PRKAR2A: variants seen among roughly 807,000 people sequenced by gnomAD.
PRKAR2A encodes protein kinase cAMP-dependent type II regulatory subunit alpha.
A neutral mutation model predicts 51.9 loss-of-function variants in PRKAR2A; 29 were observed. The ratio of observed to expected loss-of-function variants is 0.56; its 90% confidence interval spans 0.42 to 0.76. PRKAR2A has a LOEUF of 0.76. Among genes scored for constraint, PRKAR2A ranks in the 30% least tolerant of loss-of-function variants. The probability of loss-of-function intolerance (pLI) is 0.00; values close to 1 mark genes in which losing one functional copy is unlikely to be tolerated. For synonymous variants in PRKAR2A, 178 were observed against 186.2 expected (o/e 0.96, Z 0.36); for missense variants, 445 against 512.1 (o/e 0.87, Z 1.26).
chr3:48,800,834 A>G (rs7653459), intron 2 of PRKAR2A, among the ~76,000 whole-genome samples: 102,439 of 151,422 alleles, frequency 0.68, 35,154 homozygotes, highest in East Asian at 0.96. Context: ...CACCACACCC[A>G]GCTATTTTTT....
chr3:48,819,462 T>A (rs940445235), intron 1 of PRKAR2A, among the ~76,000 whole-genome samples: 3 of 152,214 alleles, frequency 2.0e-5, no homozygotes, highest in Non-Finnish European at 4.4e-5. Flanking sequence ...ACTCAGAGAA[T>A]TGTACCCAAG....
intron 6 of PRKAR2A, among the ~76,000 whole-genome samples, chr3:48,768,689 G>A (rs770402465): frequency 6.6e-6 from 1 of 151,692 alleles, no homozygotes; most frequent in African/African-American, 2.4e-5. Context: ...CAGAGACTCC[G>A]TCTCAAAATA....
chr3:48,773,714 T>G (rs183621063), intron 5 of PRKAR2A, among the ~76,000 whole-genome samples: 141 of 145,734 alleles, frequency 9.7e-4, no homozygotes, highest in Non-Finnish European at 1.7e-3. Context: ...TGCCCCTTCC[T>G]TTTTTTCCCC....
intron 1 of PRKAR2A, among the ~76,000 whole-genome samples, chr3:48,843,773 G>A (rs2083416719): frequency 6.6e-6 from 1 of 152,020 alleles, no homozygotes; most frequent in South Asian, 2.1e-4. Flanking sequence ...TGGGAAAACT[G>A]GCTAGCCATA....
intron 1 of PRKAR2A, among the ~76,000 whole-genome samples, chr3:48,818,686 T>A (rs1454201193): frequency 6.6e-6 from 1 of 152,148 alleles, no homozygotes; most frequent in Non-Finnish European, 1.5e-5. Flanking sequence ...CCAGGGAGCT[T>A]GAGCTGTGAT....
Position 48,794,019 on chromosome 3 carries a change from TC to T in PRKAR2A, c.328del (p.Glu110LysfsTer9). 2 of 1,606,152 alleles carry T rather than the reference TC, an allele frequency of 1.2e-6. No individual in the cohort carries two copies. Among genetic ancestry groups the T allele is most frequent in the Non-Finnish European group, 1.7e-6 (2 of 1,173,028 alleles). On this transcript the variant is annotated frameshift_variant, in exon 3 of 11. Coordinates refer to ENST00000265563, the MANE Select transcript of PRKAR2A (RefSeq NM_004157.4). LOFTEE classifies it high-confidence loss of function. ...VCAETYNPDE[E>X]EEDTDPRVIH... ...TACCCTTGGATCTGTATCTTCCTCT[TC>T]CTCATCAGGGTTATAGGTCTCAGCA... is the stretch of plus-strand genomic sequence containing the variant.
At chr3:48,813,156 G>A (rs2082804815) in intron 1 of PRKAR2A, among the ~76,000 whole-genome samples, 1 of 149,394 alleles carries the variant, frequency 6.7e-6, no homozygotes, top group Non-Finnish European at 1.5e-5. Flanking sequence ...GCTCACACCT[G>A]TAATCCCAGC....
chr3:48,840,340 C>T (rs1024330024), intron 1 of PRKAR2A, among the ~76,000 whole-genome samples: 4 of 151,554 alleles, frequency 2.6e-5, no homozygotes, highest in African/African-American at 7.3e-5. Context: ...ACTAAAAATA[C>T]AAAAACTAGC....
intron 1 of PRKAR2A, among the ~76,000 whole-genome samples, chr3:48,834,152 A>G (rs2083241767): frequency 6.6e-6 from 1 of 152,192 alleles, no homozygotes; most frequent in African/African-American, 2.4e-5. Context: ...GTCCAGCAGT[A>G]AAAGCTCAGA....
chr3:48,776,299 C>G (rs2082104177), intron 5 of PRKAR2A, among the ~76,000 whole-genome samples: 1 of 151,992 alleles, frequency 6.6e-6, no homozygotes, highest in South Asian at 2.1e-4. Flanking sequence ...TTAAAAAGAC[C>G]CTTTGATATA....
At chr3:48,834,195 G>T (rs2083242658) in intron 1 of PRKAR2A, among the ~76,000 whole-genome samples, 1 of 152,036 alleles carries the variant, frequency 6.6e-6, no homozygotes, top group African/African-American at 2.4e-5. Context: ...TACATTTTTA[G>T]CTAAATAAGT....
chr3:48,761,281 CA>C (rs1411443870), intron 8 of PRKAR2A, among the ~76,000 whole-genome samples: 3 of 151,740 alleles, frequency 2.0e-5, no homozygotes, highest in African/African-American at 7.3e-5. Flanking sequence ...GACTCCATCT[CA>C]AAAAAACAAA....
chr3:48,770,213 G>A (rs1575853898), intron 6 of PRKAR2A, among the ~76,000 whole-genome samples: 2 of 152,120 alleles, frequency 1.3e-5, no homozygotes, highest in East Asian at 3.9e-4. Flanking sequence ...ATCCAATCGA[G>A]CAGTGAAGAG....
chr3:48,779,610 A>G (rs1279359934), intron 5 of PRKAR2A, among the ~76,000 whole-genome samples: 3 of 150,324 alleles, frequency 2.0e-5, no homozygotes, highest in African/African-American at 7.5e-5. Flanking sequence ...GTGAAACCCC[A>G]TCTCCACTAA....
intron 4 of PRKAR2A, among the ~76,000 whole-genome samples, chr3:48,783,694 C>T (rs948524718): frequency 2.6e-5 from 4 of 152,150 alleles, no homozygotes; most frequent in Admixed American, 1.3e-4. Context: ...GATTCTCCTG[C>T]CTCGGCCTCC....
intron 4 of PRKAR2A, among the ~76,000 whole-genome samples, chr3:48,789,391 T>C (rs1002860998): frequency 1.3e-5 from 2 of 152,154 alleles, no homozygotes; most frequent in African/African-American, 2.4e-5. Flanking sequence ...ACACGCACTG[T>C]GGCTGTAACT....
chr3:48,821,455 G>A (rs1481500547), intron 1 of PRKAR2A, among the ~76,000 whole-genome samples: 2 of 152,088 alleles, frequency 1.3e-5, no homozygotes, highest in African/African-American at 2.4e-5. Flanking sequence ...TTTTAAATAT[G>A]CAAGTTCCCT....
At chr3:48,822,287 T>C (rs1427061267) in intron 1 of PRKAR2A, among the ~76,000 whole-genome samples, 1 of 151,918 alleles carries the variant, frequency 6.6e-6, no homozygotes, top group African/African-American at 2.4e-5. Context: ...TCACACAGCT[T>C]GCATGGGGTA....
chr3:48,792,168 G>T (rs2082399855), intron 3 of PRKAR2A, among the ~76,000 whole-genome samples: 1 of 151,540 alleles, frequency 6.6e-6, no homozygotes, highest in South Asian at 2.1e-4. Flanking sequence ...TTGAGATGGA[G>T]TCTCGCTCTG....
Sources: gnomAD v4.1 joint callset for allele counts (sites outside exome capture counted in the v4.1 genomes callset) on GRCh38, gnomAD v4.1.1 for gene constraint, MANE v1.5 for transcripts, NCBI Gene and HGNC (gene_info 2026-07-23, HGNC 2026-07-21) for gene names.